The following IGF2R variants were observed in gnomAD, a reference collection of about 807,000 sequenced individuals.
IGF2R encodes cation-independent mannose-6-phosphate receptor.
Under a neutral mutation model 270.6 loss-of-function variants are expected in IGF2R, and 91 were observed. The observed-to-expected ratio is 0.34, with a 90% confidence interval of 0.28 to 0.40. The LOEUF (loss-of-function observed/expected upper bound fraction) is 0.40. Among genes scored for constraint, IGF2R ranks in the 10% least tolerant of loss-of-function variants. The pLI is 1.00. For missense variants in IGF2R, 2,805 were observed against 3,188.3 expected, an observed-to-expected ratio of 0.88 and a Z score of 2.90; for synonymous variants, 1,316 against 1,258.9, an observed-to-expected ratio of 1.05 and a Z score of -0.96.
chr6:160,080,589 A>C (rs937780230), intron 39 of IGF2R, among the ~76,000 whole-genome samples: 4 of 152,202 alleles, frequency 2.6e-5, no homozygotes, highest in Admixed American at 6.5e-5. Flanking sequence ...ATTATGCCTC[A>C]GGAAAATGAA....
intron 42 of IGF2R, 101 bp downstream of exon 42, chr6:160,088,248 G>A: frequency 1.3e-6 from 1 of 774,676 alleles, no homozygotes; most frequent in South Asian, 1.4e-5. Flanking sequence ...AGTCTTAGGA[G>A]CTCAGGGCCA....
At chr6:160,016,790 C>T (rs959635177) in intron 4 of IGF2R, among the ~76,000 whole-genome samples, 7 of 152,240 alleles carry the variant, frequency 4.6e-5, no homozygotes, top group Non-Finnish European at 7.3e-5. Context: ...CAGTCTTTGA[C>T]GCTGAAAGCG....
intron 13 of IGF2R, 152 bp from the exon 14 acceptor site, chr6:160,045,593 A>G: frequency 1.2e-6 from 1 of 825,084 alleles, no homozygotes; most frequent in Non-Finnish European, 2.0e-6. Context: ...GTGGAATGCT[A>G]CAGTATTTGT....
At chr6:160,009,479 C>T (rs1005946896) in intron 3 of IGF2R, among the ~76,000 whole-genome samples, 2 of 152,058 alleles carry the variant, frequency 1.3e-5, no homozygotes, top group African/African-American at 4.8e-5. Context: ...GGTTTTAGGG[C>T]AGCATATTTA....
chr6:160,016,801 T>C (rs1423298485), intron 4 of IGF2R, among the ~76,000 whole-genome samples: 1 of 152,236 alleles, frequency 6.6e-6, no homozygotes. Context: ...GCTGAAAGCG[T>C]CCAGAAGCAA....
At chr6:160,074,962 A>G (rs1214977792) in intron 35 of IGF2R, among the ~76,000 whole-genome samples, 1 of 152,202 alleles carries the variant, frequency 6.6e-6, no homozygotes, top group African/African-American at 2.4e-5. Context: ...TTGCCTGGCC[A>G]CCCATTGTCA....
chr6:160,027,411 G>A, intron 6 of IGF2R, 97 bp downstream of exon 6: 3 of 1,363,446 alleles, frequency 2.2e-6, no homozygotes, highest in Non-Finnish European at 3.0e-6. Context: ...GCAAGGCTTG[G>A]GATAGTCCCT....
At position 160,110,343 on chromosome 6, in the gene IGF2R, C is replaced by T. The variant is rs1012567557; in HGVS notation, c.*5259C>T. Reference sequence around the variant, plus strand: ...AGGTATATCAAAAAATGCTCAGCATCGCTGATCATCAGGGAAATGCACATC... The same window carrying T: ...AGGTATATCAAAAAATGCTCAGCATTGCTGATCATCAGGGAAATGCACATC... On this transcript the variant is annotated 3_prime_UTR_variant, in exon 48 of 48. Transcript: ENST00000356956. 9.2e-5 allele frequency: 14 copies of T among 152,220 alleles called. No individual in the cohort carries two copies. Among genetic ancestry groups the T allele is most frequent in the South Asian group, 4.1e-4 (2 of 4,828 alleles). The allele number at this position is 152,220 out of a possible 1,614,324, so 9.4% of individuals were successfully genotyped here. A position where few individuals can be genotyped will look rare whatever the true frequency, so the allele number is the denominator to read the frequency against.
chr6:160,089,988 C>T lies in IGF2R; in HGVS notation c.6540C>T (p.Ile2180=). The change falls in exon 44 of 48, where the codon ATC becomes ATT. Residue 2180 remains isoleucine (I), a synonymous_variant. Transcript: ENST00000356956. ...TGTATGAGATCCAACTTTCCTCCAT[C>T]ACAAGCTCCAGAAACCCGGCGTGCT... ...NYLYEIQLSS[I]TSSRNPACSG... 1 of 1,607,638 alleles carries T rather than the reference C, an allele frequency of 6.2e-7. No individual in the cohort carries two copies. The highest frequency in any genetic ancestry group is 8.5e-7 in the Non-Finnish European group (1 of 1,177,182).
At chr6:159,983,038 ATCTGTAT>A (rs1783829846) in intron 1 of IGF2R, among the ~76,000 whole-genome samples, 1 of 152,242 alleles carries the variant, frequency 6.6e-6, no homozygotes, top group Non-Finnish European at 1.5e-5. Flanking sequence ...GATATTCTAT[ATCTGTAT>A]CCCTATGACA....
chr6:159,974,703 A>G (rs1045614585), intron 1 of IGF2R, among the ~76,000 whole-genome samples: 21 of 151,726 alleles, frequency 1.4e-4, no homozygotes, highest in Non-Finnish European at 2.4e-4. Flanking sequence ...CTAAGACTAT[A>G]CTCTACCACT....
chr6:160,036,235 G>A (rs1466389949), intron 10 of IGF2R, among the ~76,000 whole-genome samples: 1 of 152,118 alleles, frequency 6.6e-6, no homozygotes, highest in East Asian at 1.9e-4. Flanking sequence ...TCTGGTCTGA[G>A]CACTCCCTGC....
In IGF2R at chr6:160,096,423, C is replaced by G; in HGVS notation, c.6656-16C>G. The G allele has an allele frequency of 6.2e-7, 1 of 1,603,378 alleles. No individual in the cohort carries two copies. Among genetic ancestry groups the G allele is most frequent in the South Asian group, 1.1e-5 (1 of 89,730 alleles). ...AATGATGGTGACATGCCATGTGTGCCCTTCCCGTTTGACAGACGGCGATCT... is the reference window on the plus strand; with the variant it reads ...AATGATGGTGACATGCCATGTGTGCGCTTCCCGTTTGACAGACGGCGATCT... On this transcript the variant is annotated splice_polypyrimidine_tract_variant and intron_variant, in intron 44 of 47. Coordinates refer to ENST00000356956, the MANE Select transcript of IGF2R (RefSeq NM_000876.4).
At chr6:160,058,745 T>C (rs182751573) in intron 21 of IGF2R, among the ~76,000 whole-genome samples, 161 bp from the exon 22 acceptor site, 2 of 152,368 alleles carry the variant, frequency 1.3e-5, no homozygotes, top group Admixed American at 6.5e-5. Flanking sequence ...TTTGGACTTA[T>C]GTACTAACTG....
At chr6:160,071,259 G>A (rs375406820) in intron 31 of IGF2R, among the ~76,000 whole-genome samples, 17,665 of 131,916 alleles carry the variant, frequency 0.13, 1,760 homozygotes, top group Middle Eastern at 0.21. Context: ...CTGTGCCCAG[G>A]GCCCAGGAGG....
rs1243034828 is a variant in IGF2R at position 160,063,602 on chromosome 6, G to A, written c.3858G>A (p.Arg1286=). ...SKVVSSCQEK[R]EPQGFHKVAG... The stretch of plus-strand genomic sequence containing the variant: ...TGGTCTCCTCATGTCAGGAAAAGCG[G>A]GAACCGCAGGGATTTCACAAAGTGG... Residue 1286 remains arginine (R), a synonymous_variant, in exon 27 of 48, where the codon CGG becomes CGA. Coordinates refer to ENST00000356956, the MANE Select transcript of IGF2R (RefSeq NM_000876.4). 1 of 1,614,150 alleles carries A rather than the reference G, an allele frequency of 6.2e-7. No individual in the cohort carries two copies. The highest frequency in any genetic ancestry group is 1.7e-5 in the Admixed American group (1 of 60,030).
rs1402237685 is a variant in IGF2R at position 160,097,243 on chromosome 6, GC to G, written c.6842+620del. On this transcript the variant is annotated intron_variant, in intron 45 of 47. Coordinates refer to ENST00000356956, the MANE Select transcript of IGF2R (RefSeq NM_000876.4). ...GTGTCCCACAGCCGTTTTATACTTT[GC>G]CACGAATAACATGTTGTCAGTTGCT... 3.3e-5 allele frequency among the ~76,000 whole-genome samples: 5 copies of G among 152,158 alleles called. 1 individual carries two copies. Among genetic ancestry groups the G allele is most frequent in the Non-Finnish European group, 1.5e-5 (1 of 68,014 alleles).
chr6:159,979,491 A>G (rs1279357113), intron 1 of IGF2R, among the ~76,000 whole-genome samples: 1 of 151,986 alleles, frequency 6.6e-6, no homozygotes, highest in African/African-American at 2.4e-5. Context: ...TTTTACAGTC[A>G]CCCCTTTAGA....
In IGF2R at chr6:159,991,293, G is replaced by A. The variant is rs758037852; in HGVS notation, c.259G>A (p.Asp87Asn). 36 of 1,613,396 alleles carry A rather than the reference G, an allele frequency of 2.2e-5. No individual in the cohort carries two copies. The highest frequency in any genetic ancestry group is 3.0e-5 in the Non-Finnish European group (35 of 1,179,732). Residue 87 changes from aspartate (D) to asparagine (N), a missense_variant, in exon 2 of 48, where the codon GAC (aspartate) becomes AAC (asparagine). Asp to Asn is a conservative substitution (Grantham distance 23). Transcript: ENST00000356956. Reference sequence around the variant, plus strand: ...GCCATCAAGTGCTGTTTGTATGCACGACTTGAAGACACGCACTTATCATTC... The same window carrying A: ...GCCATCAAGTGCTGTTTGTATGCACAACTTGAAGACACGCACTTATCATTC... ...CGPSSAVCMH[D>N]LKTRTYHSVG...
Sources: allele counts gnomAD v4.1 joint callset (sites outside exome capture counted in the v4.1 genomes callset), GRCh38; gene constraint gnomAD v4.1.1; transcripts MANE v1.5; gene names NCBI Gene and HGNC (gene_info 2026-07-23, HGNC 2026-07-21).